SPOCK1: variants seen among roughly 807,000 people sequenced by gnomAD.
SPOCK1 encodes the protein SPARC (osteonectin), cwcv and kazal like domains proteoglycan 1.
Under a neutral mutation model 55.3 loss-of-function variants are expected in SPOCK1, and 23 were observed. That is an observed-to-expected ratio of 0.42 (90% CI 0.30 to 0.59). SPOCK1 has a LOEUF of 0.59. Among genes scored for constraint, SPOCK1 ranks in the 20% least tolerant of loss-of-function variants. SPOCK1 has a pLI of 0.22. For missense variants in SPOCK1, 499 were observed against 552.5 expected (o/e 0.90, Z 0.97); for synonymous variants, 226 against 221.0 (o/e 1.02, Z -0.20).
chr5:137,172,446 A>G (rs116156999), intron 3 of SPOCK1, among the ~76,000 whole-genome samples: 11 of 152,226 alleles, frequency 7.2e-5, no homozygotes, highest in African/African-American at 2.4e-4. Flanking sequence ...AGAAAAACCA[A>G]TTATCCAGAG....
chr5:137,151,977 C>T (rs971475910), intron 3 of SPOCK1, among the ~76,000 whole-genome samples: 6 of 152,156 alleles, frequency 3.9e-5, no homozygotes, highest in South Asian at 4.1e-4. Context: ...CCAATTAGAG[C>T]GGGTTCATTT....
chr5:137,409,770 GA>G (rs1752172903), intron 2 of SPOCK1, among the ~76,000 whole-genome samples: 1 of 152,212 alleles, frequency 6.6e-6, no homozygotes. Context: ...TGTTAGGTTA[GA>G]AGGATATACA....
chr5:137,437,005 G>A (rs577800976), intron 2 of SPOCK1, among the ~76,000 whole-genome samples: 35 of 152,276 alleles, frequency 2.3e-4, no homozygotes, highest in South Asian at 1.7e-3. Flanking sequence ...GAATGGGTCC[G>A]AAAGCCCTAG....
intron 6 of SPOCK1, among the ~76,000 whole-genome samples, chr5:137,007,142 G>A (rs975337603): frequency 3.9e-5 from 6 of 152,050 alleles, no homozygotes; most frequent in Admixed American, 2.0e-4. Context: ...AAATTAACTC[G>A]AAATGAATTA....
intron 2 of SPOCK1, among the ~76,000 whole-genome samples, chr5:137,287,518 CA>C (rs1273347593): frequency 3.3e-5 from 5 of 152,154 alleles, no homozygotes; most frequent in Non-Finnish European, 7.4e-5. Flanking sequence ...TTGCAGAGGG[CA>C]AAAATTTAGT....
chr5:137,109,757 C>T (rs1162942360), intron 5 of SPOCK1, among the ~76,000 whole-genome samples: 2 of 152,166 alleles, frequency 1.3e-5, no homozygotes, highest in African/African-American at 4.8e-5. Flanking sequence ...CTATCTGGAA[C>T]ATTCTACTCC....
chr5:137,288,325 C>T (rs1315855024), intron 2 of SPOCK1, among the ~76,000 whole-genome samples: 4 of 152,212 alleles, frequency 2.6e-5, no homozygotes, highest in Non-Finnish European at 5.9e-5. Context: ...ATCTAAGAGA[C>T]TTAGAACCCT....
intron 3 of SPOCK1, among the ~76,000 whole-genome samples, chr5:137,252,474 G>A (rs1054688162): frequency 6.6e-6 from 1 of 152,126 alleles, no homozygotes; most frequent in Non-Finnish European, 1.5e-5. Context: ...GTATGCAAAA[G>A]TTCCTACAGC....
At chr5:137,318,292 T>C (rs1019069342) in intron 2 of SPOCK1, among the ~76,000 whole-genome samples, 2 of 152,170 alleles carry the variant, frequency 1.3e-5, no homozygotes, top group Non-Finnish European at 2.9e-5. Context: ...AAAGAGGATT[T>C]CTGCAGCCAT....
chr5:137,026,191 T>C (rs1238364577), intron 6 of SPOCK1, among the ~76,000 whole-genome samples: 1 of 152,214 alleles, frequency 6.6e-6, no homozygotes, highest in Non-Finnish European at 1.5e-5. Flanking sequence ...TGGGTCTCCT[T>C]CAGTTGCAAC....
At chr5:137,241,060 A>G (rs990513694) in intron 3 of SPOCK1, among the ~76,000 whole-genome samples, 1 of 152,226 alleles carries the variant, frequency 6.6e-6, no homozygotes, top group Non-Finnish European at 1.5e-5. Flanking sequence ...ACCAAAATAA[A>G]TTCCAAATGG....
intron 6 of SPOCK1, among the ~76,000 whole-genome samples, chr5:137,009,567 C>G (rs891695140): frequency 1.3e-5 from 2 of 152,188 alleles, no homozygotes; most frequent in Non-Finnish European, 2.9e-5. Context: ...AAAGGCAGTG[C>G]AGGGTAGTAG....
intron 3 of SPOCK1, among the ~76,000 whole-genome samples, chr5:137,170,855 A>G (rs1754742308): frequency 6.6e-6 from 1 of 152,142 alleles, no homozygotes; most frequent in African/African-American, 2.4e-5. Flanking sequence ...CATTTTAAAG[A>G]TAAGGAAACT....
intron 2 of SPOCK1, among the ~76,000 whole-genome samples, chr5:137,412,833 T>C (rs1330014147): frequency 1.3e-5 from 2 of 152,222 alleles, no homozygotes; most frequent in South Asian, 2.1e-4. Flanking sequence ...TGTTCTCTAC[T>C]GCACTGTGAG....
chr5:137,059,424 C>A (rs958336081), intron 6 of SPOCK1, among the ~76,000 whole-genome samples: 3 of 152,026 alleles, frequency 2.0e-5, no homozygotes, highest in Admixed American at 6.5e-5. Context: ...AAGGTAAATG[C>A]AAAATAAATA....
At chr5:137,346,966 C>T (rs544055392) in intron 2 of SPOCK1, among the ~76,000 whole-genome samples, 2 of 152,268 alleles carry the variant, frequency 1.3e-5, no homozygotes, top group African/African-American at 4.8e-5. Flanking sequence ...ACGGCACCTC[C>T]TAATGGGCCT....
intron 2 of SPOCK1, among the ~76,000 whole-genome samples, chr5:137,433,150 G>A (rs1163456977): frequency 6.6e-6 from 1 of 152,160 alleles, no homozygotes; most frequent in Non-Finnish European, 1.5e-5. Context: ...TCTGGCTTTG[G>A]GGTTTGAGGA....
At chr5:137,333,412 C>T (rs1758224588) in intron 2 of SPOCK1, among the ~76,000 whole-genome samples, 1 of 152,174 alleles carries the variant, frequency 6.6e-6, no homozygotes, top group African/African-American at 2.4e-5. Flanking sequence ...CAGGAGGCCA[C>T]AAGACCTCCA....
intron 3 of SPOCK1, among the ~76,000 whole-genome samples, chr5:137,233,363 G>A (rs760116012): frequency 3.9e-5 from 6 of 152,166 alleles, no homozygotes; most frequent in Non-Finnish European, 8.8e-5. Context: ...CTCATAAGAA[G>A]AGCACAACCT....
Sources: allele counts gnomAD v4.1 joint callset (sites outside exome capture counted in the v4.1 genomes callset), GRCh38; gene constraint gnomAD v4.1.1; transcripts MANE v1.5; gene names NCBI Gene and HGNC (gene_info 2026-07-23, HGNC 2026-07-21).